The following BNC2 variants were observed in gnomAD, a reference collection of about 807,000 sequenced individuals.
BNC2 encodes the protein basonuclin zinc finger protein 2.
BNC2 carries 20 observed loss-of-function variants against 76.3 expected under a neutral mutation model. The observed-to-expected ratio is 0.26, with a 90% CI of 0.18 to 0.38. The LOEUF (loss-of-function observed/expected upper bound fraction) is 0.38. BNC2 is among the 10% of genes least tolerant of loss of function. The pLI, the probability that BNC2 is intolerant of heterozygous loss-of-function variation, is 1.00. For synonymous variants in BNC2, 582 were observed against 514.8 expected, an observed-to-expected ratio of 1.13 and a Z score of -1.77; for missense variants, 1,382 against 1,399.8, an observed-to-expected ratio of 0.99 and a Z score of 0.20.
intron 3 of BNC2, among the ~76,000 whole-genome samples, chr9:16,700,613 A>C (rs1311828719): frequency 6.6e-6 from 1 of 152,106 alleles, no homozygotes; most frequent in Non-Finnish European, 1.5e-5. Context: ...CCTGGCTTGT[A>C]ATTTTTTTTG....
intron 1 of BNC2, among the ~76,000 whole-genome samples, chr9:16,831,502 G>A (rs781020752): frequency 4.6e-5 from 7 of 152,204 alleles, no homozygotes; most frequent in Non-Finnish European, 1.0e-4. Context: ...CAAATAATGC[G>A]TTGACTCTCA....
At chr9:16,708,702 C>G (rs1823749718) in intron 3 of BNC2, among the ~76,000 whole-genome samples, 2 of 151,644 alleles carry the variant, frequency 1.3e-5, no homozygotes, top group Admixed American at 1.3e-4. Context: ...TGGAAAAAAG[C>G]AGAGAAGGAG....
chr9:16,795,245 G>A (rs540089504), intron 1 of BNC2, among the ~76,000 whole-genome samples: 2 of 152,202 alleles, frequency 1.3e-5, no homozygotes, highest in South Asian at 2.1e-4. Context: ...AAAGGAAGTA[G>A]GAAGGTTCAA....
At chr9:16,464,781 T>C (rs1466733709) in intron 5 of BNC2, among the ~76,000 whole-genome samples, 3 of 152,148 alleles carry the variant, frequency 2.0e-5, no homozygotes, top group Admixed American at 2.0e-4. Context: ...TGCAATGGTT[T>C]TTTCAAAATT....
chr9:16,580,313 T>C (rs115661311), intron 4 of BNC2, among the ~76,000 whole-genome samples: 128 of 152,230 alleles, frequency 8.4e-4, no homozygotes, highest in African/African-American at 3.0e-3. Flanking sequence ...GGTGTATGCA[T>C]TTTGAGCTGT....
intron 3 of BNC2, among the ~76,000 whole-genome samples, chr9:16,613,584 T>A (rs902297276): frequency 3.9e-5 from 6 of 152,200 alleles, no homozygotes; most frequent in Admixed American, 3.9e-4. Flanking sequence ...ACCTTCATTT[T>A]TCAATTACTG....
At chr9:16,560,869 T>A (rs1442211483) in intron 4 of BNC2, among the ~76,000 whole-genome samples, 1 of 152,200 alleles carries the variant, frequency 6.6e-6, no homozygotes, top group Non-Finnish European at 1.5e-5. Flanking sequence ...CTGGTGAAGG[T>A]ACTGGATGAA....
intron 1 of BNC2, among the ~76,000 whole-genome samples, chr9:16,828,965 G>C (rs1818516299): frequency 6.6e-6 from 1 of 152,110 alleles, no homozygotes; most frequent in South Asian, 2.1e-4. Flanking sequence ...CTGGGGCGCG[G>C]GGGAGAGGCC....
At chr9:16,844,241 T>C (rs1367845620) in intron 1 of BNC2, among the ~76,000 whole-genome samples, 2 of 152,072 alleles carry the variant, frequency 1.3e-5, no homozygotes, top group African/African-American at 4.8e-5. Context: ...ATCTGATGGG[T>C]GTTTGCAAAA....
At chr9:16,690,425 C>G (rs912214949) in intron 3 of BNC2, among the ~76,000 whole-genome samples, 2 of 152,082 alleles carry the variant, frequency 1.3e-5, no homozygotes, top group African/African-American at 4.8e-5. Flanking sequence ...CCACTGCACT[C>G]CAGGCTGGGT....
intron 1 of BNC2, among the ~76,000 whole-genome samples, chr9:16,859,865 T>C (rs376237562): frequency 6.6e-6 from 1 of 152,204 alleles, no homozygotes; most frequent in African/African-American, 2.4e-5. Flanking sequence ...TCACGCCTGT[T>C]ATCCCAGCAC....
chr9:16,722,916 T>C (rs1281175991), intron 3 of BNC2, among the ~76,000 whole-genome samples: 1 of 152,190 alleles, frequency 6.6e-6, no homozygotes, highest in Non-Finnish European at 1.5e-5. Context: ...ATGCTACAAT[T>C]TGTATCTTAA....
At chr9:16,774,317 T>C (rs1184368533) in intron 1 of BNC2, among the ~76,000 whole-genome samples, 2 of 152,190 alleles carry the variant, frequency 1.3e-5, no homozygotes, top group East Asian at 1.9e-4. Flanking sequence ...ACAACTACTA[T>C]TCGTTACATC....
chr9:16,786,563 A>G (rs1586883238), intron 1 of BNC2, among the ~76,000 whole-genome samples: 1 of 152,206 alleles, frequency 6.6e-6, no homozygotes, highest in Non-Finnish European at 1.5e-5. Flanking sequence ...GTTACAACAG[A>G]TATGAAATGT....
intron 3 of BNC2, among the ~76,000 whole-genome samples, chr9:16,648,816 T>A (rs1821712047): frequency 2.6e-5 from 4 of 152,186 alleles, no homozygotes. Flanking sequence ...CTCATCTCCA[T>A]TTGCAATTCA....
At chr9:16,485,111 G>A (rs79089471) in intron 5 of BNC2, among the ~76,000 whole-genome samples, 6 of 143,666 alleles carry the variant, frequency 4.2e-5, no homozygotes, top group African/African-American at 1.5e-4. Context: ...GACACACACA[G>A]ACACACACAC....
chr9:16,830,665 TTCTAAGTA>T (rs963800014), intron 1 of BNC2, among the ~76,000 whole-genome samples: 1 of 152,224 alleles, frequency 6.6e-6, no homozygotes, highest in Non-Finnish European at 1.5e-5. Context: ...TTGTTTCCAT[TTCTAAGTA>T]TCTAAGTACA....
At position 16,796,646 on chromosome 9, in the gene BNC2, A is replaced by T. The variant is rs370153464; in HGVS notation, c.4-58161T>A. Among the ~76,000 whole-genome samples the T allele has an allele frequency of 7.8e-3, 1,088 of 139,170 alleles. 12 individuals carry two copies. Among genetic ancestry groups the T allele is most frequent in the African/African-American group, 0.029 (1,017 of 34,922 alleles). 91.3% of individuals were successfully genotyped at this position (139,170 alleles called of 152,430 possible). ...AGGGAAGGGAAAGGGAAAGGAAAGG[A>T]AAGAGAAAAAAAAAGAAAGAAAAGA... On this transcript the variant is annotated intron_variant, in intron 1 of 6. Transcript: ENST00000380672.
At chr9:16,606,836 G>A (rs982321713) in intron 3 of BNC2, among the ~76,000 whole-genome samples, 10 of 152,210 alleles carry the variant, frequency 6.6e-5, no homozygotes, top group African/African-American at 2.4e-4. Context: ...GGGATTAGAG[G>A]TGTGAGCCAC....
Sources: allele counts gnomAD v4.1 joint callset (sites outside exome capture counted in the v4.1 genomes callset), GRCh38; gene constraint gnomAD v4.1.1; transcripts MANE v1.5; gene names NCBI Gene and HGNC (gene_info 2026-07-23, HGNC 2026-07-21).